PPP1R9A: variants seen among roughly 807,000 people sequenced by gnomAD.
The protein encoded by PPP1R9A is neurabin-1.
Under a neutral mutation model 141.9 loss-of-function variants are expected in PPP1R9A, and 59 were observed. The ratio of observed to expected loss-of-function variants is 0.42; its 90% CI spans 0.34 to 0.52. The LOEUF is 0.52. PPP1R9A is among the 20% of genes least tolerant of loss of function. PPP1R9A has a pLI of 0.10. For synonymous variants in PPP1R9A, 500 were observed against 569.7 expected (o/e 0.88, Z 1.74); for missense variants, 1,444 against 1,611.9 (o/e 0.90, Z 1.78).
At chr7:95,036,899 C>T (rs938668892) in intron 2 of PPP1R9A, 2 of 152,176 alleles carry the variant, frequency 1.3e-5, no homozygotes, top group Non-Finnish European at 2.9e-5. Flanking sequence ...TTTCTCACCA[C>T]TCACACTCAC....
At position 94,955,162 on chromosome 7, in the gene PPP1R9A, C is replaced by T. The variant is rs566919670; in HGVS notation, c.1395+43654C>T. On this transcript the variant is annotated intron_variant, in intron 2 of 19. Transcript: ENST00000433360. Reference sequence around the variant, plus strand: ...TTAGTTTCCTTTTTCCTGAAGTGTACATCTTTTAATAAAGGATTATTAAGC... The same window carrying T: ...TTAGTTTCCTTTTTCCTGAAGTGTATATCTTTTAATAAAGGATTATTAAGC... Among the ~76,000 whole-genome samples the T allele has an allele frequency of 3.9e-5, 6 of 151,980 alleles. No individual in the cohort carries two copies. In the East Asian group the frequency reaches 9.7e-4, roughly 25 times the overall value.
At chr7:95,055,149 C>T (rs1811342062) in intron 2 of PPP1R9A, among the ~76,000 whole-genome samples, 1 of 152,030 alleles carries the variant, frequency 6.6e-6, no homozygotes, top group African/African-American at 2.4e-5. Context: ...CTCATTTTGC[C>T]ACTATTAGCA....
At chr7:95,000,695 G>A (rs1396585167) in intron 2 of PPP1R9A, among the ~76,000 whole-genome samples, 2 of 152,034 alleles carry the variant, frequency 1.3e-5, no homozygotes, top group African/African-American at 4.8e-5. Context: ...TTCTTTGTAA[G>A]GTAGGTGAAC....
chr7:95,055,539 C>G (rs1262322398), intron 2 of PPP1R9A, among the ~76,000 whole-genome samples: 1 of 152,104 alleles, frequency 6.6e-6, no homozygotes, highest in Non-Finnish European at 1.5e-5. Context: ...TTTCTCTTCT[C>G]CATCGAGCTC....
Position 95,203,707 on chromosome 7 carries a change from A to G in PPP1R9A, c.1933A>G (p.Asn645Asp). 1.3e-6 allele frequency: 2 copies of G among 1,536,490 alleles called. No homozygotes were observed. The highest frequency in any genetic ancestry group is 1.7e-6 in the Non-Finnish European group (2 of 1,146,354). The change falls in exon 7 of 20, where the codon AAC becomes GAC. Residue 645 changes from asparagine to aspartate, a missense_variant. Coordinates refer to ENST00000433360, the MANE Select transcript of PPP1R9A (RefSeq NM_001166160.2). Reference protein sequence around the residue: ...ELQGMSGNCNNNNNYFLKTGE... With the variant: ...ELQGMSGNCNDNNNYFLKTGE... ...GCAAGGAATGTCTGGCAACTGCAAT[A>G]ACAATAACAACTATTTTCTTAAGGT...
intron 8 of PPP1R9A, among the ~76,000 whole-genome samples, chr7:95,244,465 G>A (rs73221998): frequency 6.6e-6 from 1 of 152,078 alleles, no homozygotes; most frequent in African/African-American, 2.4e-5. Context: ...GGCCCTTGGA[G>A]TTCCTCACAT....
intron 4 of PPP1R9A, among the ~76,000 whole-genome samples, chr7:95,153,229 C>T (rs575013471): frequency 2.0e-5 from 3 of 152,180 alleles, no homozygotes; most frequent in East Asian, 1.9e-4. Context: ...ATGGTAACAT[C>T]GTAACATTTT....
At chr7:95,071,292 A>G (rs912933350) in intron 2 of PPP1R9A, among the ~76,000 whole-genome samples, 1 of 152,024 alleles carries the variant, frequency 6.6e-6, no homozygotes, top group African/African-American at 2.4e-5. Flanking sequence ...GTGAATTAGC[A>G]ATGGGACAGA....
At chr7:95,003,651 G>T (rs1262692774) in intron 2 of PPP1R9A, among the ~76,000 whole-genome samples, 1 of 152,092 alleles carries the variant, frequency 6.6e-6, no homozygotes, top group Non-Finnish European at 1.5e-5. Context: ...GACCTATAAT[G>T]CTGGTTCTCA....
Position 95,291,982 on chromosome 7 carries a change from G to A in PPP1R9A, c.*1679G>A, listed in dbSNP as rs1806424349. ...ATCTAAACTGGACATTTTTAATTCT[G>A]TTTTACCCCCAAGGCCTGTTTTCTT... On this transcript the variant is annotated 3_prime_UTR_variant, in exon 20 of 20. Transcript: ENST00000433360. The A allele has an allele frequency of 6.6e-6, 1 of 151,954 alleles. No individual in the cohort carries two copies. Among genetic ancestry groups the A allele is most frequent in the Non-Finnish European group, 1.5e-5 (1 of 67,986 alleles). The allele number at this position is 151,954 out of a possible 1,614,324, so 9.4% of individuals were successfully genotyped here. A position where few individuals can be genotyped will look rare whatever the true frequency, so the allele number is the denominator to read the frequency against.
At position 94,966,423 on chromosome 7, in the gene PPP1R9A, T is replaced by G. The variant is rs887299104; in HGVS notation, c.1395+54915T>G. ...TTTCAAAGGGAATGCTTCCAATTTTTGGCCATTGATTATGATATTGACTGT... is the reference window on the plus strand; with the variant it reads ...TTTCAAAGGGAATGCTTCCAATTTTGGGCCATTGATTATGATATTGACTGT... On this transcript the variant is annotated intron_variant, in intron 2 of 19. Transcript: ENST00000433360. 3.9e-5 allele frequency among the ~76,000 whole-genome samples: 6 copies of G among 152,320 alleles called. 1 individual carries two copies. In the South Asian group the frequency reaches 8.3e-4, roughly 21 times the overall value.
chr7:95,111,429 TATGTTA>T, intron 3 of PPP1R9A, 38 bp downstream of exon 3: 1 of 1,570,796 alleles, frequency 6.4e-7, no homozygotes. Flanking sequence ...ATTATGTTGC[TATGTTA>T]ATAATACAGA....
At chr7:95,176,626 A>G (rs1437328024) in intron 5 of PPP1R9A, 1 of 152,216 alleles carries the variant, frequency 6.6e-6, no homozygotes, top group South Asian at 2.1e-4. Context: ...AAAACAATAC[A>G]CGAAGTGAAG....
Position 94,925,064 on chromosome 7 carries a change from A to C in PPP1R9A, c.1395+13556A>C, listed in dbSNP as rs548489630. 1.8e-4 allele frequency among the ~76,000 whole-genome samples: 27 copies of C among 152,348 alleles called. 1 individual carries two copies. Among genetic ancestry groups the C allele is most frequent in the Admixed American group, 6.5e-4 (10 of 15,294 alleles). ...AACAGAACCAATAGGATGTGTATAT[A>C]TACAGAGAAAAATGTAAGGAGTTGG... is the stretch of plus-strand genomic sequence containing the variant. On this transcript the variant is annotated intron_variant, in intron 2 of 19. Coordinates refer to ENST00000433360, the MANE Select transcript of PPP1R9A (RefSeq NM_001166160.2).
intron 3 of PPP1R9A, among the ~76,000 whole-genome samples, chr7:95,113,408 AT>A: frequency 6.6e-6 from 1 of 152,334 alleles, no homozygotes; most frequent in African/African-American, 2.4e-5. Context: ...GGAAGAACTT[AT>A]CCATTTATGA....
At chr7:95,010,251 A>T (rs1297974779) in intron 2 of PPP1R9A, among the ~76,000 whole-genome samples, 1 of 152,030 alleles carries the variant, frequency 6.6e-6, no homozygotes, top group Non-Finnish European at 1.5e-5. Flanking sequence ...TAATAATAAT[A>T]AAAATAGCTG....
intron 2 of PPP1R9A, among the ~76,000 whole-genome samples, chr7:94,926,652 T>A (rs1331398938): frequency 6.6e-6 from 1 of 152,204 alleles, no homozygotes; most frequent in African/African-American, 2.4e-5. Flanking sequence ...TCCTGACTTG[T>A]TTACTAAAAT....
chr7:95,090,036 G>A (rs531536954), intron 2 of PPP1R9A, among the ~76,000 whole-genome samples: 1 of 152,030 alleles, frequency 6.6e-6, no homozygotes, highest in Non-Finnish European at 1.5e-5. Flanking sequence ...AACATAGTCT[G>A]AGAATTAAAA....
chr7:95,201,374 T>G (rs1490199519), intron 6 of PPP1R9A, among the ~76,000 whole-genome samples: 1 of 152,172 alleles, frequency 6.6e-6, no homozygotes, highest in Non-Finnish European at 1.5e-5. Context: ...TTTTTTCCCT[T>G]TCTTGTATGT....
Sources: gnomAD v4.1 joint callset for allele counts (sites outside exome capture counted in the v4.1 genomes callset) on GRCh38, gnomAD v4.1.1 for gene constraint, MANE v1.5 for transcripts, NCBI Gene and HGNC (gene_info 2026-07-23, HGNC 2026-07-21) for gene names.